The following EPB41 variants were observed in gnomAD, a reference collection of about 807,000 sequenced individuals.
The protein encoded by EPB41 is protein 4.1.
In EPB41, 65 loss-of-function variants were observed where a neutral mutation model predicts 108.0. The observed-to-expected ratio is 0.60, with a 90% CI of 0.49 to 0.74. EPB41 has a LOEUF of 0.74. EPB41 is among the 30% of genes least tolerant of loss of function. The probability of loss-of-function intolerance (pLI) is 0.00; values close to 1 mark genes in which losing one functional copy is unlikely to be tolerated. For synonymous variants in EPB41, 336 were observed against 358.9 expected, an observed-to-expected ratio of 0.94 and a Z score of 0.72; for missense variants, 875 against 1,037.0, an observed-to-expected ratio of 0.84 and a Z score of 2.15.
chr1:28,887,228 G>C lies in EPB41; in HGVS notation c.-8+18G>C, dbSNP rs766059885. ...CAGCCCAGGTGAGCCTGGACCACCT[G>C]GGGGGCGACCCTCGGTCCCCGGGAG... On this transcript the variant is annotated intron_variant, in intron 1 of 16. Coordinates refer to the EPB41 transcript ENST00000347529. This position sits in a 1 kb window ranked among gnomAD's most constrained non-coding sequence, Gnocchi z 4.9. 65 of 1,280,288 alleles carry C rather than the reference G, an allele frequency of 5.1e-5. No individual in the cohort carries two copies. The highest frequency in any genetic ancestry group is 6.2e-5 in the Non-Finnish European group (61 of 984,428). 79.3% of individuals were successfully genotyped at this position (1,280,288 alleles called of 1,614,324 possible).
chr1:28,976,088 C>T (rs2095602525), intron 1 of EPB41, among the ~76,000 whole-genome samples: 1 of 152,028 alleles, frequency 6.6e-6, no homozygotes, highest in Non-Finnish European at 1.5e-5. Flanking sequence ...AACAGAGAAG[C>T]ATCTCTGAGG....
At chr1:28,892,707 C>T (rs2090253170) in intron 1 of EPB41, among the ~76,000 whole-genome samples, 1 of 149,972 alleles carries the variant, frequency 6.7e-6, no homozygotes, top group Admixed American at 6.7e-5. Flanking sequence ...CTCAAACAAA[C>T]AAACAAATAA....
At chr1:29,057,083 T>C (rs1645599169) in intron 12 of EPB41, among the ~76,000 whole-genome samples, 1 of 151,786 alleles carries the variant, frequency 6.6e-6, no homozygotes, top group Non-Finnish European at 1.5e-5. Context: ...AAAGTAGAAA[T>C]GACCCAAAAC....
At chr1:29,098,851 A>G (rs2151503912) in intron 17 of EPB41, among the ~76,000 whole-genome samples, 1 of 151,774 alleles carries the variant, frequency 6.6e-6, no homozygotes, top group African/African-American at 2.4e-5. Context: ...GGTTCAAGTG[A>G]TTCTCCTGCC....
chr1:28,972,678 C>T (rs2095521916), intron 1 of EPB41, among the ~76,000 whole-genome samples: 1 of 151,938 alleles, frequency 6.6e-6, no homozygotes, highest in Admixed American at 6.6e-5. Flanking sequence ...TGATTCACCG[C>T]AGCCTCCAAC....
intron 16 of EPB41, chr1:29,065,373 C>G (rs935654045): frequency 1.4e-6 from 1 of 694,428 alleles, no homozygotes; most frequent in East Asian, 3.4e-5. Flanking sequence ...TTTGGAGCCA[C>G]CAGTAGATGA....
chr1:28,921,779 T>C (rs1308321009), intron 1 of EPB41, among the ~76,000 whole-genome samples: 2 of 151,784 alleles, frequency 1.3e-5, no homozygotes, highest in African/African-American at 2.4e-5. Context: ...CATCTGGTGT[T>C]GAAAATGAGC....
rs1345857037 is a variant in EPB41, at chr1:29,117,540, G to A, written c.*728G>A. ...ACTGTGAATGTTTGAACATATCCGT[G>A]GCCTTCACCTCTCCAGCTACCCTTT... On this transcript the variant is annotated 3_prime_UTR_variant, in exon 21 of 21. Transcript: ENST00000343067. 6.6e-6 allele frequency: 1 copy of A among 152,602 alleles called. No homozygotes were observed. Among genetic ancestry groups the A allele is most frequent in the African/African-American group, 2.4e-5 (1 of 41,448 alleles). 9.5% of individuals were successfully genotyped at this position (152,602 alleles called of 1,614,324 possible).
intron 1 of EPB41, among the ~76,000 whole-genome samples, chr1:28,957,509 A>G (rs1348745917): frequency 2.0e-5 from 3 of 152,152 alleles, no homozygotes; most frequent in African/African-American, 7.2e-5. Context: ...GGTTGAAGCA[A>G]TTCACCTGTC....
At chr1:28,981,879 AT>A (rs1270847678) in intron 1 of EPB41, among the ~76,000 whole-genome samples, 6 of 149,238 alleles carry the variant, frequency 4.0e-5, no homozygotes, top group African/African-American at 1.2e-4. Context: ...TATTATTTTT[AT>A]TTTTTATTTT....
chr1:29,098,849 T>C (rs968237279), intron 17 of EPB41, among the ~76,000 whole-genome samples: 5 of 151,594 alleles, frequency 3.3e-5, no homozygotes, highest in African/African-American at 1.2e-4. Context: ...TGGGTTCAAG[T>C]GATTCTCCTG....
At chr1:28,982,521 A>G (rs2095780251) in intron 1 of EPB41, 1 of 1,022,528 alleles carries the variant, frequency 9.8e-7, no homozygotes, top group Non-Finnish European at 1.5e-6. Context: ...AGGTGCTATC[A>G]TCAATGTTCT....
Position 29,053,142 on chromosome 1 carries a change from A to T in EPB41, c.1675A>T (p.Thr559Ser). The change falls in exon 12 of 21, where the codon ACT (threonine) becomes TCT (serine). Residue 559 changes from threonine (T) to serine (S), a missense_variant. Around this residue, in one of 3 missense-constraint regions of EPB41, gnomAD observed 519 missense variants for 627.3 expected, o/e 0.83. Transcript: ENST00000343067. Reference protein sequence around the residue: ...VDSADRSPRPTSAPAITQGQV... With the variant: ...VDSADRSPRPSSAPAITQGQV... ...TTCGGCAGACCGAAGTCCTCGGCCC[A>T]CTTCTGCACCTGCCATTACTCAGGG... 6.2e-7 allele frequency: 1 copy of T among 1,614,158 alleles called. No individual in the cohort carries two copies. Among genetic ancestry groups the T allele is most frequent in the Non-Finnish European group, 8.5e-7 (1 of 1,180,034 alleles).
intron 5 of EPB41, 47 bp downstream of exon 5, chr1:29,011,954 G>A (rs964589517): frequency 1.2e-6 from 2 of 1,602,744 alleles, no homozygotes; most frequent in African/African-American, 1.3e-5. Flanking sequence ...CTTTTAGTAG[G>A]TCAGAGGATT....
intron 7 of EPB41, among the ~76,000 whole-genome samples, chr1:29,023,401 C>T (rs1334526125): frequency 6.6e-6 from 1 of 151,794 alleles, no homozygotes; most frequent in Non-Finnish European, 1.5e-5. Flanking sequence ...TAAAGAAAAG[C>T]TCTTGACCGG....
chr1:28,904,020 C>T (rs564042754), intron 1 of EPB41, among the ~76,000 whole-genome samples: 1 of 152,150 alleles, frequency 6.6e-6, no homozygotes, highest in Non-Finnish European at 1.5e-5. Context: ...GCACCCACCA[C>T]TGCACCCGGC....
rs149779183 is a variant in EPB41, at chr1:28,932,264, A to G, written c.-8+17496A>G. ...CAGCCTCCTGAGTAGCAGGGATTAC[A>G]AGTGGGTGCCACCACACCTGGCTAA... On this transcript the variant is annotated intron_variant, in intron 1 of 20. Coordinates refer to ENST00000343067, the MANE Select transcript of EPB41 (RefSeq NM_001376013.1). 6.9e-3 allele frequency among the ~76,000 whole-genome samples: 1,049 copies of G among 152,300 alleles called. 10 individuals are homozygous for G. Among genetic ancestry groups the G allele is most frequent in the African/African-American group, 0.021 (873 of 41,566 alleles).
Position 29,004,308 on chromosome 1 carries a change from A to G in EPB41, c.786+6989A>G, listed in dbSNP as rs118125108. Among the ~76,000 whole-genome samples, 69 of 152,328 alleles carry G rather than the reference A, an allele frequency of 4.5e-4. 1 individual carries two copies. In the East Asian group the frequency reaches 0.012, roughly 26 times the overall value. On this transcript the variant is annotated intron_variant, in intron 4 of 20. Coordinates refer to ENST00000343067, the MANE Select transcript of EPB41 (RefSeq NM_001376013.1). ...TTAAATTAGGACTACATGCAATTCA[A>G]TGGTATATAGTCATTGTCTTTTTCC...
chr1:28,999,752 G>A (rs1343999229), intron 4 of EPB41, among the ~76,000 whole-genome samples: 2 of 151,900 alleles, frequency 1.3e-5, no homozygotes, highest in Non-Finnish European at 2.9e-5. Context: ...TTTATATTCT[G>A]TCCTGTCACC....
Sources: allele counts gnomAD v4.1 joint callset (sites outside exome capture counted in the v4.1 genomes callset), GRCh38; gene constraint gnomAD v4.1.1; regional missense constraint gnomAD v4.1.1; non-coding constraint Gnocchi (gnomAD v3.1); transcripts MANE v1.5; gene names NCBI Gene and HGNC (gene_info 2026-07-23, HGNC 2026-07-21).